Variants in CADM2 observed in about 807,000 individuals in gnomAD.
CADM2 encodes the protein cell adhesion molecule 2.
CADM2 carries 12 observed loss-of-function variants against 49.8 expected under a neutral mutation model. The ratio of observed to expected loss-of-function variants is 0.24; its 90% CI spans 0.15 to 0.39. The LOEUF (loss-of-function observed/expected upper bound fraction) is 0.39, where lower values mean the gene tolerates loss of function less well. CADM2 is among the 10% of genes least tolerant of loss of function. The pLI, the probability that CADM2 is intolerant of heterozygous loss-of-function variation, is 1.00. For synonymous variants in CADM2, 214 were observed against 175.4 expected, an observed-to-expected ratio of 1.22 and a Z score of -1.74; for missense variants, 378 against 492.3, an observed-to-expected ratio of 0.77 and a Z score of 2.20.
intron 1 of CADM2, among the ~76,000 whole-genome samples, chr3:85,108,783 AG>A (rs759686070): frequency 1.6e-4 from 25 of 152,284 alleles, no homozygotes; most frequent in East Asian, 1.2e-3. Context: ...TATTTGAATT[AG>A]AAAAAAACAT....
chr3:85,199,370 T>TGTGAGAGAGAGAGAGAGAGAGA (rs1553694531), intron 1 of CADM2, among the ~76,000 whole-genome samples: 15 of 140,100 alleles, frequency 1.1e-4, no homozygotes, highest in African/African-American at 3.7e-4. Flanking sequence ...TGTGTGTGTA[T>TGTGAGAGAGAGAGAGAGAGAGA]GAGAGAGAGA....
At chr3:85,200,110 A>C (rs5021122) in intron 1 of CADM2, among the ~76,000 whole-genome samples, 26,523 of 151,798 alleles carry the variant, frequency 0.17, 4,364 homozygotes, top group African/African-American at 0.44. Flanking sequence ...GTCTTATCTT[A>C]TGTGAATTCA....
chr3:85,076,699 T>A (rs1378101162), intron 1 of CADM2, among the ~76,000 whole-genome samples: 4 of 151,980 alleles, frequency 2.6e-5, no homozygotes, highest in African/African-American at 9.7e-5. Flanking sequence ...CGGCTGGGCA[T>A]GGTGGTTCAC....
chr3:85,934,974 G>A lies in CADM2; in HGVS notation c.701-793G>A, dbSNP rs536152243. 2.6e-5 allele frequency among the ~76,000 whole-genome samples: 4 copies of A among 152,018 alleles called. No individual in the cohort carries two copies. The South Asian group carries it at 8.3e-4, about 32-fold the overall frequency. ...TAGCAAAGCCTCATAAAGAAAGAAT[G>A]TGTTAATATCGTCTCTTTTTTGAGC... On this transcript the variant is annotated intron_variant, in intron 6 of 9. Coordinates refer to ENST00000383699, the MANE Select transcript of CADM2 (RefSeq NM_001167675.2).
At chr3:85,188,037 T>C (rs1398394266) in intron 1 of CADM2, among the ~76,000 whole-genome samples, 3 of 152,034 alleles carry the variant, frequency 2.0e-5, no homozygotes, top group Non-Finnish European at 2.9e-5. Flanking sequence ...AACATATAAA[T>C]TAATATTTCT....
chr3:85,041,094 A>G (rs933177560), intron 1 of CADM2, among the ~76,000 whole-genome samples: 5 of 152,178 alleles, frequency 3.3e-5, no homozygotes, highest in Non-Finnish European at 2.9e-5. Flanking sequence ...ATTCAGTTCA[A>G]TCTTTTAATT....
chr3:85,689,033 T>G (rs765140223), intron 1 of CADM2, among the ~76,000 whole-genome samples: 7 of 152,184 alleles, frequency 4.6e-5, no homozygotes, highest in Non-Finnish European at 8.8e-5. Flanking sequence ...GGAAACAACC[T>G]AAATATCTAT....
intron 1 of CADM2, among the ~76,000 whole-genome samples, chr3:85,633,414 G>T (rs2064369585): frequency 6.6e-6 from 1 of 151,984 alleles, no homozygotes; most frequent in Non-Finnish European, 1.5e-5. Flanking sequence ...AAGAAAAAAA[G>T]ATGATCTATT....
At chr3:85,801,864 G>A (rs2072064431) in intron 2 of CADM2, among the ~76,000 whole-genome samples, 183 bp from the exon 3 acceptor site, 1 of 152,152 alleles carries the variant, frequency 6.6e-6, no homozygotes, top group Non-Finnish European at 1.5e-5. Flanking sequence ...TTAATTATAT[G>A]TCAATGCTGT....
chr3:86,027,252 A>G (rs1734011464), intron 8 of CADM2, among the ~76,000 whole-genome samples: 1 of 152,126 alleles, frequency 6.6e-6, no homozygotes, highest in African/African-American at 2.4e-5. Context: ...ATTTTCTTGG[A>G]TAACTCAGTA....
chr3:85,612,307 T>C (rs2063700462), intron 1 of CADM2, among the ~76,000 whole-genome samples: 3 of 151,954 alleles, frequency 2.0e-5, no homozygotes. Context: ...CTAACAATGT[T>C]CTTTCCACAG....
At chr3:85,063,303 G>A (rs2036404402) in intron 1 of CADM2, among the ~76,000 whole-genome samples, 1 of 151,766 alleles carries the variant, frequency 6.6e-6, no homozygotes, top group Non-Finnish European at 1.5e-5. Context: ...TATTTTAGAT[G>A]CCTTGATTTA....
chr3:85,513,534 C>A (rs1576691345), intron 1 of CADM2, among the ~76,000 whole-genome samples: 2 of 151,802 alleles, frequency 1.3e-5, no homozygotes, highest in East Asian at 3.9e-4. Context: ...TGCTTTTACC[C>A]AAACAAGTAA....
intron 1 of CADM2, among the ~76,000 whole-genome samples, chr3:84,994,454 C>T (rs2033069067): frequency 6.6e-6 from 1 of 152,074 alleles, no homozygotes; most frequent in Non-Finnish European, 1.5e-5. Flanking sequence ...CATTAAGATA[C>T]ACACTTAGCT....
chr3:85,028,742 T>C (rs2034845878), intron 1 of CADM2, among the ~76,000 whole-genome samples: 1 of 151,936 alleles, frequency 6.6e-6, no homozygotes, highest in South Asian at 2.1e-4. Flanking sequence ...ATTAGACAGG[T>C]CTCAATTTTT....
intron 1 of CADM2, among the ~76,000 whole-genome samples, chr3:85,225,496 T>C (rs140873740): frequency 7.9e-5 from 12 of 152,254 alleles, no homozygotes; most frequent in Admixed American, 2.6e-4. Flanking sequence ...TTAAGGAGAT[T>C]TTTGGGCTGG....
chr3:85,883,450 G>A lies in CADM2; in HGVS notation c.391+7G>A, dbSNP rs1200344026. On this transcript the variant is annotated splice_region_variant and intron_variant, in intron 4 of 9. Transcript: ENST00000383699. The stretch of plus-strand genomic sequence containing the variant: ...GCATATCTCACCGTTCTGGGTAAGT[G>A]CAAGGGACTAACACCATGTAATCAC... 6.2e-7 allele frequency: 1 copy of A among 1,611,430 alleles called. No homozygotes were observed. The highest frequency in any genetic ancestry group is 8.5e-7 in the Non-Finnish European group (1 of 1,178,214).
At chr3:85,351,891 C>T (rs1408795198) in intron 1 of CADM2, among the ~76,000 whole-genome samples, 3 of 152,024 alleles carry the variant, frequency 2.0e-5, no homozygotes, top group African/African-American at 7.2e-5. Context: ...CATTTACTCT[C>T]TGGAGTACTT....
At chr3:85,873,759 C>A in intron 3 of CADM2, among the ~76,000 whole-genome samples, 1 of 152,200 alleles carries the variant, frequency 6.6e-6, no homozygotes, top group South Asian at 2.1e-4. Flanking sequence ...TTTTATTACT[C>A]ATCACTTTCA....
Sources: gnomAD v4.1 joint callset for allele counts (sites outside exome capture counted in the v4.1 genomes callset) on GRCh38, gnomAD v4.1.1 for gene constraint, MANE v1.5 for transcripts, NCBI Gene and HGNC (gene_info 2026-07-23, HGNC 2026-07-21) for gene names.